CTNNA3: variants seen among roughly 807,000 people sequenced by gnomAD.
CTNNA3 encodes catenin alpha-3.
A neutral mutation model predicts 95.7 loss-of-function variants in CTNNA3; 76 were observed. That is an observed-to-expected ratio of 0.79 (90% CI 0.66 to 0.96). CTNNA3 has a LOEUF of 0.96. CTNNA3 is among the 40% of genes least tolerant of loss of function. The probability of loss-of-function intolerance (pLI) is 0.00; values close to 1 mark genes in which losing one functional copy is unlikely to be tolerated. For missense variants in CTNNA3, 1,191 were observed against 1,089.8 expected (o/e 1.09, Z -1.31); for synonymous variants, 431 against 374.4 (o/e 1.15, Z -1.74).
At chr10:67,328,227 G>A (rs929154546) in intron 5 of CTNNA3, among the ~76,000 whole-genome samples, 2 of 152,174 alleles carry the variant, frequency 1.3e-5, no homozygotes, top group South Asian at 4.1e-4. Context: ...GGCTGTAGGG[G>A]CCATCCTGCT....
At chr10:66,555,038 A>G (rs1325085719) in intron 10 of CTNNA3, among the ~76,000 whole-genome samples, 3 of 152,124 alleles carry the variant, frequency 2.0e-5, no homozygotes, top group African/African-American at 7.2e-5. Flanking sequence ...AGGGATTTTC[A>G]TGGTGTTCTG....
chr10:67,545,775 T>C (rs1338687963), intron 3 of CTNNA3, among the ~76,000 whole-genome samples: 1 of 152,190 alleles, frequency 6.6e-6, no homozygotes, highest in Non-Finnish European at 1.5e-5. Context: ...TATGCGTTTG[T>C]GTGTGTACAA....
At chr10:66,556,161 G>A (rs1189730800) in intron 10 of CTNNA3, among the ~76,000 whole-genome samples, 4 of 151,968 alleles carry the variant, frequency 2.6e-5, no homozygotes, top group Non-Finnish European at 4.4e-5. Flanking sequence ...ACCACAATGA[G>A]ATGATATCTC....
chr10:67,751,028 G>C, intron 1 of CTNNA3: 1 of 1,538,592 alleles, frequency 6.5e-7, no homozygotes, highest in Non-Finnish European at 9.0e-7. Flanking sequence ...CCCAGGTTCT[G>C]ATCCATTTCC....
At chr10:67,271,399 C>T (rs1259118136) in intron 5 of CTNNA3, among the ~76,000 whole-genome samples, 1 of 152,100 alleles carries the variant, frequency 6.6e-6, no homozygotes, top group Non-Finnish European at 1.5e-5. Flanking sequence ...CTCTGTCCTG[C>T]CGCCCTGTGA....
At chr10:67,126,488 T>C (rs1859728721) in intron 7 of CTNNA3, among the ~76,000 whole-genome samples, 1 of 152,186 alleles carries the variant, frequency 6.6e-6, no homozygotes, top group Non-Finnish European at 1.5e-5. Context: ...TGCACTTGGC[T>C]TGCAGCGAGC....
At chr10:66,155,765 G>A (rs556732837) in intron 13 of CTNNA3, among the ~76,000 whole-genome samples, 3 of 151,988 alleles carry the variant, frequency 2.0e-5, no homozygotes, top group Admixed American at 1.3e-4. Context: ...GCAAACATTA[G>A]AGAACAATTC....
At chr10:67,096,584 T>A (rs1014986932) in intron 7 of CTNNA3, among the ~76,000 whole-genome samples, 5 of 151,888 alleles carry the variant, frequency 3.3e-5, no homozygotes, top group African/African-American at 1.2e-4. Context: ...TGAAGGTTCC[T>A]GAAATCTGCC....
chr10:67,137,502 G>T (rs1357182921), intron 7 of CTNNA3, among the ~76,000 whole-genome samples: 1 of 152,134 alleles, frequency 6.6e-6, no homozygotes, highest in Non-Finnish European at 1.5e-5. Flanking sequence ...ATAAGGTTGA[G>T]AAATTCTGCT....
At chr10:66,017,576 G>T (rs1467422332) in intron 15 of CTNNA3, among the ~76,000 whole-genome samples, 1 of 152,072 alleles carries the variant, frequency 6.6e-6, no homozygotes, top group Non-Finnish European at 1.5e-5. Context: ...GTGAAAATTT[G>T]GCTGACTTAC....
chr10:66,061,979 T>A (rs1365919192), intron 15 of CTNNA3, among the ~76,000 whole-genome samples: 2 of 152,150 alleles, frequency 1.3e-5, no homozygotes, highest in Non-Finnish European at 2.9e-5. Flanking sequence ...TAGCACAGGG[T>A]AAAGTCTTGT....
intron 5 of CTNNA3, among the ~76,000 whole-genome samples, chr10:67,397,578 G>A (rs1475171198): frequency 6.6e-6 from 1 of 152,204 alleles, no homozygotes; most frequent in Non-Finnish European, 1.5e-5. Flanking sequence ...ATTTTCTGGG[G>A]AGAAATTCAA....
chr10:66,118,855 T>A (rs2133808664), intron 13 of CTNNA3, among the ~76,000 whole-genome samples: 1 of 152,250 alleles, frequency 6.6e-6, no homozygotes, highest in South Asian at 2.1e-4. Flanking sequence ...TTTAATTGAA[T>A]TAACCGCAAT....
intron 5 of CTNNA3, among the ~76,000 whole-genome samples, chr10:67,317,806 C>T (rs1780161668): frequency 6.6e-6 from 1 of 152,168 alleles, no homozygotes; most frequent in Admixed American, 6.5e-5. Flanking sequence ...TCACCCTTTT[C>T]AACTAGACCT....
At chr10:66,430,867 C>G (rs926677843) in intron 11 of CTNNA3, among the ~76,000 whole-genome samples, 4 of 152,016 alleles carry the variant, frequency 2.6e-5, no homozygotes, top group African/African-American at 7.2e-5. Context: ...TCTAAAACAC[C>G]AAAAGCAATG....
chr10:67,653,799 T>C (rs993197127), intron 1 of CTNNA3, among the ~76,000 whole-genome samples: 5 of 152,102 alleles, frequency 3.3e-5, no homozygotes, highest in Non-Finnish European at 7.4e-5. Context: ...GCTTTGGAAG[T>C]GTCCATGGGG....
chr10:66,125,987 T>C (rs1289996736), intron 13 of CTNNA3, among the ~76,000 whole-genome samples: 1 of 152,178 alleles, frequency 6.6e-6, no homozygotes, highest in Non-Finnish European at 1.5e-5. Flanking sequence ...ACCTCAATTA[T>C]GTAAGTTTTG....
intron 15 of CTNNA3, among the ~76,000 whole-genome samples, chr10:66,035,791 A>G (rs967712413): frequency 2.0e-5 from 3 of 152,108 alleles, no homozygotes; most frequent in Non-Finnish European, 2.9e-5. Flanking sequence ...TCTAGAAAGA[A>G]TTTTGTGTAA....
intron 9 of CTNNA3, among the ~76,000 whole-genome samples, chr10:66,724,349 A>G (rs1195750625): frequency 1.3e-5 from 2 of 152,206 alleles, no homozygotes; most frequent in African/African-American, 2.4e-5. Context: ...CAGTTAACAA[A>G]TGGTCCTAAG....
Sources: allele counts gnomAD v4.1 joint callset (sites outside exome capture counted in the v4.1 genomes callset), GRCh38; gene constraint gnomAD v4.1.1; transcripts MANE v1.5; gene names NCBI Gene and HGNC (gene_info 2026-07-23, HGNC 2026-07-21).